Variants in CDH12 observed in about 807,000 individuals in gnomAD.
CDH12 encodes cadherin-12.
A neutral mutation model predicts 74.1 loss-of-function variants in CDH12; 41 were observed. That is an observed-to-expected ratio of 0.55 (90% confidence interval 0.43 to 0.72). The LOEUF (loss-of-function observed/expected upper bound fraction) is 0.72. CDH12 is among the 30% of genes least tolerant of loss of function. CDH12 has a pLI of 0.00. For synonymous variants in CDH12, 399 were observed against 355.0 expected, an observed-to-expected ratio of 1.12 and a Z score of -1.39; for missense variants, 945 against 977.2, an observed-to-expected ratio of 0.97 and a Z score of 0.44.
At chr5:22,134,901 C>G (rs1426087327) in intron 4 of CDH12, among the ~76,000 whole-genome samples, 2 of 151,694 alleles carry the variant, frequency 1.3e-5, no homozygotes, top group African/African-American at 4.8e-5. Context: ...ACACTCCCCC[C>G]ACCAAGCTGC....
At chr5:22,249,888 A>G (rs1753079393) in intron 3 of CDH12, among the ~76,000 whole-genome samples, 1 of 152,182 alleles carries the variant, frequency 6.6e-6, no homozygotes, top group East Asian at 1.9e-4. Context: ...TGTGTTAATC[A>G]AACATGTGTA....
At chr5:22,573,163 T>C (rs145609576) in intron 1 of CDH12, among the ~76,000 whole-genome samples, 69 of 152,274 alleles carry the variant, frequency 4.5e-4, no homozygotes, top group African/African-American at 1.6e-3. Flanking sequence ...CCTGTATGAG[T>C]CACTTAAACT....
At chr5:22,515,467 A>G (rs1736770862) in intron 1 of CDH12, among the ~76,000 whole-genome samples, 1 of 152,098 alleles carries the variant, frequency 6.6e-6, no homozygotes, top group Non-Finnish European at 1.5e-5. Context: ...TTGATCAATG[A>G]ATGTGATATT....
At chr5:22,499,865 C>CT (rs1343693773) in intron 2 of CDH12, among the ~76,000 whole-genome samples, 1 of 152,000 alleles carries the variant, frequency 6.6e-6, no homozygotes, top group Non-Finnish European at 1.5e-5. Context: ...AATTATCTGC[C>CT]ACACTGGCCA....
At chr5:22,512,362 T>G (rs271094) in intron 1 of CDH12, among the ~76,000 whole-genome samples, 7,473 of 152,240 alleles carry the variant, frequency 0.049, 297 homozygotes, top group East Asian at 0.16. Context: ...CTAAGCTACT[T>G]CACTGTGGGG....
intron 5 of CDH12, among the ~76,000 whole-genome samples, chr5:22,031,770 T>C (rs1488321804): frequency 6.6e-6 from 1 of 152,168 alleles, no homozygotes; most frequent in African/African-American, 2.4e-5. Flanking sequence ...ATAACATTTA[T>C]GGATTAAATT....
intron 1 of CDH12, among the ~76,000 whole-genome samples, chr5:22,760,176 T>C (rs1746132125): frequency 6.6e-6 from 1 of 152,228 alleles, no homozygotes; most frequent in Admixed American, 6.5e-5. Context: ...ACAATTTTTC[T>C]GGTGGCCTTT....
chr5:22,539,178 C>G (rs77562280), intron 1 of CDH12, among the ~76,000 whole-genome samples: 1 of 152,120 alleles, frequency 6.6e-6, no homozygotes, highest in Admixed American at 6.5e-5. Context: ...TGTTGATATT[C>G]TGTGTAATAA....
chr5:21,871,486 C>A (rs147631170), intron 6 of CDH12, among the ~76,000 whole-genome samples: 1,596 of 152,274 alleles, frequency 0.01, 30 homozygotes, highest in African/African-American at 0.035. Context: ...GTAATCCCAG[C>A]ACTTTGGAGG....
chr5:22,074,866 T>C (rs1197167565), intron 5 of CDH12, among the ~76,000 whole-genome samples: 3 of 152,108 alleles, frequency 2.0e-5, no homozygotes, highest in African/African-American at 7.2e-5. Flanking sequence ...TTGGTGGGAC[T>C]GTAAACTAGT....
At chr5:22,308,809 A>ACACAC (rs1738237906) in intron 3 of CDH12, among the ~76,000 whole-genome samples, 1 of 85,378 alleles carries the variant, frequency 1.2e-5, no homozygotes, top group East Asian at 4.4e-4. Context: ...CAAATACACA[A>ACACAC]ACACACACAC....
intron 1 of CDH12, among the ~76,000 whole-genome samples, chr5:22,847,836 C>A (rs773076835): frequency 1.3e-5 from 2 of 151,912 alleles, no homozygotes; most frequent in East Asian, 3.9e-4. Context: ...CATTTAATTC[C>A]CTTTTACTGT....
intron 9 of CDH12, among the ~76,000 whole-genome samples, chr5:21,804,632 T>C (rs918178839): frequency 1.5e-5 from 2 of 129,586 alleles, no homozygotes; most frequent in African/African-American, 5.7e-5. Flanking sequence ...AATCATTCTA[T>C]AGTGAATTAA....
intron 3 of CDH12, among the ~76,000 whole-genome samples, chr5:22,371,382 T>A (rs1420476153): frequency 6.6e-6 from 1 of 152,138 alleles, no homozygotes; most frequent in South Asian, 2.1e-4. Context: ...TCTGTAATAG[T>A]ACAGTTGAAT....
At chr5:22,222,978 TG>T (rs1393175562) in intron 3 of CDH12, among the ~76,000 whole-genome samples, 6 of 151,880 alleles carry the variant, frequency 4.0e-5, no homozygotes, top group African/African-American at 9.7e-5. Flanking sequence ...ATATTTAATA[TG>T]TTTTTTTTTC....
chr5:22,692,553 T>C (rs1452384881), intron 1 of CDH12, among the ~76,000 whole-genome samples: 3 of 152,148 alleles, frequency 2.0e-5, no homozygotes, highest in Admixed American at 6.6e-5. Flanking sequence ...TATGCTCCTG[T>C]AGAAGGATTT....
At chr5:22,358,229 C>G (rs901386782) in intron 3 of CDH12, among the ~76,000 whole-genome samples, 1 of 151,936 alleles carries the variant, frequency 6.6e-6, no homozygotes, top group African/African-American at 2.4e-5. Flanking sequence ...GCCAACATGA[C>G]AAAACCCCAT....
intron 1 of CDH12, among the ~76,000 whole-genome samples, chr5:22,629,744 C>T (rs1024530700): frequency 6.6e-6 from 1 of 151,948 alleles, no homozygotes; most frequent in Admixed American, 6.6e-5. Context: ...TAATGTAGTA[C>T]TGGAAATCCT....
At chr5:22,317,514 C>A (rs1389444916) in intron 3 of CDH12, among the ~76,000 whole-genome samples, 1 of 151,938 alleles carries the variant, frequency 6.6e-6, no homozygotes, top group African/African-American at 2.4e-5. Flanking sequence ...ACCATGAATA[C>A]AGAGAAAGAC....
Sources: allele counts gnomAD v4.1 joint callset (sites outside exome capture counted in the v4.1 genomes callset), GRCh38; gene constraint gnomAD v4.1.1; transcripts MANE v1.5; gene names NCBI Gene and HGNC (gene_info 2026-07-23, HGNC 2026-07-21).